Variants in ISCU observed in about 807,000 individuals in gnomAD.
The protein encoded by ISCU is iron-sulfur cluster assembly enzyme.
In ISCU, 13 loss-of-function variants were observed where a neutral mutation model predicts 18.4. The ratio of observed to expected loss-of-function variants is 0.71; its 90% CI spans 0.46 to 1.12. The LOEUF is 1.12. ISCU is among the 50% of genes most tolerant of loss of function. The probability of loss-of-function intolerance (pLI) is 0.00; values close to 1 mark genes in which losing one functional copy is unlikely to be tolerated. For missense variants in ISCU, 229 were observed against 208.7 expected (o/e 1.10, Z -0.60); for synonymous variants, 104 against 87.5 (o/e 1.19, Z -1.06).
rs532658627 is a variant in ISCU at position 108,564,447 on chromosome 12, C to T, written c.228+55C>T. ...CAATAATCCCTTTAAGTTTACAAAG[C>T]ACTTGCGCATTTCACTTGGTCTCCA... On this transcript the variant is annotated intron_variant, in intron 2 of 4. Transcript: ENST00000311893. 129 of 1,219,884 alleles carry T rather than the reference C, an allele frequency of 1.1e-4. No homozygotes were observed. The African/African-American group carries it at 1.7e-3, about 16-fold the overall frequency. The allele number at this position is 1,219,884 out of a possible 1,614,324, so 75.6% of individuals were successfully genotyped here. A position where few individuals can be genotyped will look rare whatever the true frequency, so the allele number is the denominator to read the frequency against.
intron 2 of ISCU, among the ~76,000 whole-genome samples, chr12:108,564,673 CA>C (rs2030807137): frequency 6.6e-6 from 1 of 152,200 alleles, no homozygotes; most frequent in South Asian, 2.1e-4. Flanking sequence ...TGACTTCAGC[CA>C]ACTAAAGAGT....
At chr12:108,564,904 CAGG>C (rs2030816894) in intron 2 of ISCU, 1 of 262,050 alleles carries the variant, frequency 3.8e-6, no homozygotes. Flanking sequence ...AGAAACAAAA[CAGG>C]AGGAAACCAC....
upstream of ISCU, among the ~76,000 whole-genome samples, chr12:108,561,944 C>T (rs949913436): frequency 1.3e-5 from 2 of 152,138 alleles, no homozygotes; most frequent in Non-Finnish European, 1.5e-5. Flanking sequence ...ACCTTGCTCC[C>T]TCATTAGCAG....
At chr12:108,567,359 C>A in intron 4 of ISCU, 91 bp downstream of exon 4, 1 of 1,038,656 alleles carries the variant, frequency 9.6e-7, no homozygotes, top group Non-Finnish European at 1.5e-6. Context: ...ATGGAGCCCA[C>A]GTTTGTAACC....
chr12:108,562,002 G>A (rs79404009), upstream of ISCU, among the ~76,000 whole-genome samples: 7,262 of 152,132 alleles, frequency 0.048, 576 homozygotes, highest in African/African-American at 0.16. Context: ...TTGGATCCCC[G>A]GGTCTAGTAG....
intron 1 of ISCU, chr12:108,564,026 A>G: frequency 7.2e-7 from 1 of 1,384,634 alleles, no homozygotes; most frequent in Admixed American, 1.7e-5. Context: ...CTATGGAACT[A>G]AGACATGATT....
intron 1 of ISCU, chr12:108,563,977 G>A (rs2030759985): frequency 1.2e-6 from 1 of 864,918 alleles, no homozygotes; most frequent in South Asian, 1.3e-5. Context: ...CAAGTCTGGT[G>A]ATGTAGGTGG....
chr12:108,569,000 T>C lies in ISCU; in HGVS notation c.*84T>C. 1 of 1,159,516 alleles carries C rather than the reference T, an allele frequency of 8.6e-7. No homozygotes were observed. Among genetic ancestry groups the C allele is most frequent in the Non-Finnish European group, 1.3e-6 (1 of 789,294 alleles). The allele number at this position is 1,159,516 out of a possible 1,614,324, so 71.8% of individuals were successfully genotyped here. A position where few individuals can be genotyped will look rare whatever the true frequency, so the allele number is the denominator to read the frequency against. On this transcript the variant is annotated 3_prime_UTR_variant, in exon 5 of 5. Transcript: ENST00000311893. ...GTCACCTTAGATGTTCAGAAGCCGC[T>C]TCCTCTCCACTGAAGAGCTATGAGA... is the stretch of plus-strand genomic sequence containing the variant.
chr12:108,566,724 C>T (rs1053649961), intron 3 of ISCU, among the ~76,000 whole-genome samples: 1 of 152,258 alleles, frequency 6.6e-6, no homozygotes, highest in Non-Finnish European at 1.5e-5. Flanking sequence ...GGCTGTGCCA[C>T]TGCCACTGTG....
chr12:108,563,713 A>G lies in ISCU; in HGVS notation c.115-566A>G, dbSNP rs138870586. ...ACACCCTGAAGAAACTTGGACTAGCAGCCTTTCAGCAGCCAGGGTGCGCTG... is the reference window on the plus strand; with the variant it reads ...ACACCCTGAAGAAACTTGGACTAGCGGCCTTTCAGCAGCCAGGGTGCGCTG... On this transcript the variant is annotated intron_variant, in intron 1 of 4. Coordinates refer to ENST00000311893, the MANE Select transcript of ISCU (RefSeq NM_213595.4). 3.9e-4 allele frequency: 129 copies of G among 333,252 alleles called. 1 individual carries two copies. In the East Asian group the frequency reaches 9.5e-3, roughly 25 times the overall value. 20.6% of individuals were successfully genotyped at this position (333,252 alleles called of 1,614,324 possible).
At chr12:108,563,553 C>CAGTAA (rs2030735258) in intron 1 of ISCU, 1 of 188,020 alleles carries the variant, frequency 5.3e-6, no homozygotes, top group African/African-American at 2.4e-5. Flanking sequence ...TACTACTAAC[C>CAGTAA]AGTAACCAAA....
At chr12:108,567,995 G>GA in intron 4 of ISCU, 1 of 1,531,526 alleles carries the variant, frequency 6.5e-7, no homozygotes, top group East Asian at 2.4e-5. Context: ...AAAATCAGCA[G>GA]AGAGTCAGGC....
At chr12:108,567,092 C>T in intron 3 of ISCU, 98 bp from the exon 4 acceptor site, 1 of 873,974 alleles carries the variant, frequency 1.1e-6, no homozygotes, top group Non-Finnish European at 1.9e-6. Flanking sequence ...ATCATCCCCA[C>T]CAACCCTGAG....
At chr12:108,565,093 G>A in intron 2 of ISCU, 1 of 575,184 alleles carries the variant, frequency 1.7e-6, no homozygotes, top group Non-Finnish European at 3.1e-6. Flanking sequence ...GGAGTGGAGG[G>A]ACATATTTTT....
upstream of ISCU, among the ~76,000 whole-genome samples, chr12:108,561,915 GGT>G (rs2030582974): frequency 6.6e-6 from 1 of 152,230 alleles, no homozygotes; most frequent in East Asian, 1.9e-4. Context: ...GGAAAGTATT[GGT>G]GTGTGTCTCT....
chr12:108,568,739 C>T (rs982314271), intron 4 of ISCU, 92 bp from the exon 5 acceptor site: 4 of 1,549,388 alleles, frequency 2.6e-6, no homozygotes, highest in Admixed American at 3.9e-5. Flanking sequence ...TCCCCACCAG[C>T]ACCACTTCCT....
intron 4 of ISCU, chr12:108,567,938 A>G: frequency 1.4e-6 from 2 of 1,420,698 alleles, no homozygotes; most frequent in South Asian, 2.4e-5. Context: ...GGAATGAGAA[A>G]CATTAGCCTT....
chr12:108,562,599 C>T lies in ISCU; in HGVS notation c.-24C>T, dbSNP rs1385521522. 23 of 1,377,072 alleles carry T rather than the reference C, an allele frequency of 1.7e-5. No individual in the cohort carries two copies. Among genetic ancestry groups the T allele is most frequent in the Non-Finnish European group, 2.2e-5 (23 of 1,048,716 alleles). 85.3% of individuals were successfully genotyped at this position (1,377,072 alleles called of 1,614,324 possible). On this transcript the variant is annotated 5_prime_UTR_variant, in exon 1 of 5. Transcript: ENST00000311893. ...CCCCGCCCCTCGGCGTCGCTCTGGA[C>T]TGGCGCAGGCGCAAGCCGGCAAGAT...
chr12:108,567,624 G>C, intron 4 of ISCU: 1 of 1,519,618 alleles, frequency 6.6e-7, no homozygotes, highest in Non-Finnish European at 8.8e-7. Flanking sequence ...ATAAGTGGAA[G>C]AGCCAGAATT....
Sources: allele counts gnomAD v4.1 joint callset (sites outside exome capture counted in the v4.1 genomes callset), GRCh38; gene constraint gnomAD v4.1.1; transcripts MANE v1.5; gene names NCBI Gene and HGNC (gene_info 2026-07-23, HGNC 2026-07-21).